The following BTG4 variants were observed in gnomAD, a reference collection of about 807,000 sequenced individuals.
The protein encoded by BTG4 is protein BTG4.
A neutral mutation model predicts 19.3 loss-of-function variants in BTG4; 10 were observed. That is an observed-to-expected ratio of 0.52 (90% CI 0.32 to 0.88). BTG4 has a LOEUF of 0.88. BTG4 is among the 40% of genes least tolerant of loss of function. The pLI is 0.04. For synonymous variants in BTG4, 91 were observed against 95.7 expected, an observed-to-expected ratio of 0.95 and a Z score of 0.29; for missense variants, 238 against 281.9, an observed-to-expected ratio of 0.84 and a Z score of 1.11.
upstream of BTG4, among the ~76,000 whole-genome samples, chr11:111,512,685 G>A (rs537097119): frequency 6.6e-6 from 1 of 152,258 alleles, no homozygotes; most frequent in South Asian, 2.1e-4. Flanking sequence ...GCACTCCTGG[G>A]GGTCATGGGG....
At position 111,488,268 on chromosome 11, in the gene BTG4, G is replaced by A. The variant is rs12290137; in HGVS notation, c.662+6895C>T. ...CATAAGAACATACACATTGACCAAC[G>A]GAACAGAATAGAAAACCCAGAAATA... is the stretch of plus-strand genomic sequence containing the variant. On this transcript the variant is annotated intron_variant, in intron 5 of 5. Coordinates refer to the BTG4 transcript ENST00000356018. Among the ~76,000 whole-genome samples the A allele has an allele frequency of 2.7e-3, 404 of 152,094 alleles. 2 individuals are homozygous for A. The highest frequency in any genetic ancestry group is 9.2e-3 in the African/African-American group (383 of 41,498).
At chr11:111,404,782 A>G in the BTG4 span, 1 of 410,788 alleles carries the variant, frequency 2.4e-6, no homozygotes, top group South Asian at 1.8e-5. Context: ...GCTTTGATAT[A>G]AAGACCAGGA....
intron 5 of BTG4, among the ~76,000 whole-genome samples, chr11:111,473,592 CTA>C (rs1864211462): frequency 6.6e-6 from 1 of 152,072 alleles, no homozygotes; most frequent in Admixed American, 6.6e-5. Flanking sequence ...AGAGCTTCTC[CTA>C]CAACAACAGA....
chr11:111,429,277 G>C, the BTG4 span, among the ~76,000 whole-genome samples: 4 of 152,158 alleles, frequency 2.6e-5, no homozygotes, highest in Non-Finnish European at 5.9e-5. Flanking sequence ...GACATCTTGA[G>C]AGACCAGTCA....
downstream of BTG4, among the ~76,000 whole-genome samples, chr11:111,465,034 G>GA (rs900921306): frequency 3.9e-5 from 6 of 151,966 alleles, no homozygotes; most frequent in Non-Finnish European, 7.4e-5. Context: ...AATGAAAAGG[G>GA]AAAAAAACAG....
At chr11:111,443,116 CTG>C in the BTG4 span, among the ~76,000 whole-genome samples, 3 of 152,208 alleles carry the variant, frequency 2.0e-5, no homozygotes, top group Non-Finnish European at 2.9e-5. Context: ...CACCTTGCCT[CTG>C]TGGTCTTCCT....
At chr11:111,467,988 C>A (rs1431216433) in intron 5 of BTG4, among the ~76,000 whole-genome samples, 1 of 152,172 alleles carries the variant, frequency 6.6e-6, no homozygotes, top group African/African-American at 2.4e-5. Flanking sequence ...CATCTTTCTA[C>A]AGAAAAGGAT....
At chr11:111,473,810 T>C (rs1198546765) in intron 5 of BTG4, among the ~76,000 whole-genome samples, 3 of 152,260 alleles carry the variant, frequency 2.0e-5, no homozygotes, top group African/African-American at 7.2e-5. Context: ...CTTGCCCCCA[T>C]TCATCAAGCT....
chr11:111,499,669 G>A (rs1865949420), intron 1 of BTG4, among the ~76,000 whole-genome samples: 1 of 152,134 alleles, frequency 6.6e-6, no homozygotes, highest in Non-Finnish European at 1.5e-5. Context: ...TTTTGCCTTA[G>A]ATTTCTTACA....
At chr11:111,456,447 C>T in the BTG4 span, 1 of 448,416 alleles carries the variant, frequency 2.2e-6, no homozygotes, top group Non-Finnish European at 4.5e-6. The surrounding 1 kb of genome is among the most constrained non-coding windows in gnomAD (Gnocchi z 4.2). Context: ...CCAAGGGAGT[C>T]CCCGCATGTT....
At chr11:111,476,350 A>AT (rs1864398225) in intron 5 of BTG4, among the ~76,000 whole-genome samples, 2 of 152,208 alleles carry the variant, frequency 1.3e-5, no homozygotes, top group African/African-American at 4.8e-5. Flanking sequence ...ATTAAGAGAC[A>AT]TCCATACATG....
chr11:111,405,980 A>G, the BTG4 span, among the ~76,000 whole-genome samples: 1 of 152,256 alleles, frequency 6.6e-6, no homozygotes, highest in African/African-American at 2.4e-5. Context: ...TAATTATTAC[A>G]GCATTCTGCA....
At chr11:111,468,268 C>T (rs1206063427) in intron 5 of BTG4, among the ~76,000 whole-genome samples, 1 of 152,226 alleles carries the variant, frequency 6.6e-6, no homozygotes, top group Middle Eastern at 3.2e-3. Context: ...AATTTAATCC[C>T]ATTTTATGGA....
At chr11:111,414,522 TA>T in the BTG4 span, 1 of 152,210 alleles carries the variant, frequency 6.6e-6, no homozygotes, top group Non-Finnish European at 1.5e-5. Flanking sequence ...GTGAAGACAC[TA>T]GATGGTGTTC....
the BTG4 span, among the ~76,000 whole-genome samples, chr11:111,443,256 T>C: frequency 6.6e-6 from 1 of 152,134 alleles, no homozygotes; most frequent in Non-Finnish European, 1.5e-5. Flanking sequence ...CAAGGAAAAT[T>C]TGAGAAATTC....
At chr11:111,404,340 G>A in the BTG4 span, among the ~76,000 whole-genome samples, 1 of 152,138 alleles carries the variant, frequency 6.6e-6, no homozygotes, top group Non-Finnish European at 1.5e-5. Flanking sequence ...TATAGATGAA[G>A]AAAACTAAAA....
At chr11:111,488,248 G>A (rs1591491486) in intron 5 of BTG4, among the ~76,000 whole-genome samples, 1 of 152,102 alleles carries the variant, frequency 6.6e-6, no homozygotes, top group African/African-American at 2.4e-5. Context: ...ACTGGCATAA[G>A]AACATACACA....
At chr11:111,460,282 A>T in the BTG4 span, 1 of 152,630 alleles carries the variant, frequency 6.6e-6, no homozygotes, top group Non-Finnish European at 1.5e-5. Flanking sequence ...CTGTCATTGG[A>T]GCTCAAACGG....
chr11:111,509,225 A>T (rs1866676826), intron 1 of BTG4, among the ~76,000 whole-genome samples: 1 of 152,202 alleles, frequency 6.6e-6, no homozygotes, highest in Admixed American at 6.5e-5. Flanking sequence ...CCATAAATAG[A>T]TTCAATTATT....
Sources: gnomAD v4.1 joint callset for allele counts (sites outside exome capture counted in the v4.1 genomes callset) on GRCh38, gnomAD v4.1.1 for gene constraint, Gnocchi (gnomAD v3.1) non-coding constraint, MANE v1.5 for transcripts, NCBI Gene and HGNC (gene_info 2026-07-23, HGNC 2026-07-21) for gene names.